Variants in ITGA1 observed in about 807,000 individuals in gnomAD.
The protein encoded by ITGA1 is integrin subunit alpha 1, also known as integrin alpha-1.
A neutral mutation model predicts 145.9 loss-of-function variants in ITGA1; 85 were observed. The ratio of observed to expected loss-of-function variants is 0.58; its 90% CI spans 0.49 to 0.70. The LOEUF is 0.70. ITGA1 is among the 30% of genes least tolerant of loss of function. ITGA1 has a pLI of 0.00. For synonymous variants in ITGA1, 520 were observed against 495.3 expected, an observed-to-expected ratio of 1.05 and a Z score of -0.66; for missense variants, 1,351 against 1,418.7, an observed-to-expected ratio of 0.95 and a Z score of 0.77.
At chr5:52,801,821 C>A in intron 1 of ITGA1, 2 of 1,608,064 alleles carry the variant, frequency 1.2e-6, no homozygotes, top group East Asian at 2.2e-5. Context: ...GAGGGTGATT[C>A]CAGTTCTGAA....
chr5:52,822,393 C>T (rs1421981335), intron 1 of ITGA1, among the ~76,000 whole-genome samples: 2 of 152,186 alleles, frequency 1.3e-5, no homozygotes, highest in African/African-American at 4.8e-5. Context: ...AAACTCAGTC[C>T]TCATCCAACC....
rs762710293 is a variant in ITGA1, at chr5:52,864,833, C to T, written c.366C>T (p.Asn122=). Residue 122 remains asparagine (N), a synonymous_variant, in exon 4 of 29, where the codon AAC becomes AAT. Coordinates refer to ENST00000282588, the MANE Select transcript of ITGA1 (RefSeq NM_181501.2). ...NMTFGSTLVT[N]PNGGFLACGP... is the part of the protein sequence containing the mutation. ...CATTTGGATCAACTTTAGTCACCAA[C>T]CCAAATGGAGGATTTCTGGTAAGAA... 3 of 1,609,626 alleles carry T rather than the reference C, an allele frequency of 1.9e-6. No homozygotes were observed. Among genetic ancestry groups the T allele is most frequent in the South Asian group, 1.1e-5 (1 of 90,858 alleles).
At chr5:52,915,720 A>G (rs1392948310) in intron 15 of ITGA1, 126 bp downstream of exon 15, 19 of 1,180,532 alleles carry the variant, frequency 1.6e-5, no homozygotes, top group Non-Finnish European at 2.3e-5. Flanking sequence ...AATACAAGTT[A>G]TTCAGTTGAG....
At chr5:52,829,718 T>C (rs752049645) in intron 1 of ITGA1, among the ~76,000 whole-genome samples, 21 of 152,194 alleles carry the variant, frequency 1.4e-4, no homozygotes, top group Non-Finnish European at 2.8e-4. Context: ...ATTTTTAGTA[T>C]TGCCAAATAC....
chr5:52,883,355 A>G (rs1286899748), intron 7 of ITGA1, among the ~76,000 whole-genome samples: 3 of 152,228 alleles, frequency 2.0e-5, no homozygotes, highest in Non-Finnish European at 4.4e-5. Context: ...TTGCTTCTGC[A>G]TAAATACGGC....
intron 11 of ITGA1, chr5:52,904,677 AC>A (rs1399134561): frequency 6.6e-6 from 1 of 151,966 alleles, no homozygotes; most frequent in Admixed American, 6.6e-5. Context: ...ACACGGTGAA[AC>A]CCCGTCTTAC....
chr5:52,891,252 T>A (rs1750142665), intron 8 of ITGA1, among the ~76,000 whole-genome samples: 1 of 123,620 alleles, frequency 8.1e-6, no homozygotes, highest in Non-Finnish European at 1.8e-5. Context: ...CCCAGCAATG[T>A]TTTTTTTTTC....
At position 52,865,042 on chromosome 5, in the gene ITGA1, C is replaced by T; in HGVS notation, c.456C>T (p.Ser152=). 6.2e-7 allele frequency: 1 copy of T among 1,613,676 alleles called. No individual in the cohort carries two copies. Among genetic ancestry groups the T allele is most frequent in the Non-Finnish European group, 8.5e-7 (1 of 1,179,732 alleles). The stretch of plus-strand genomic sequence containing the variant: ...CAACTGGAATCTGTTCTGACGTCAG[C>T]CCCACATTTCAAGTCGTGAATTCCA... ...HYTTGICSDV[S]PTFQVVNSIA... Residue 152 remains serine (S), a synonymous_variant, in exon 5 of 29, where the codon AGC becomes AGT. Transcript: ENST00000282588.
intron 6 of ITGA1, among the ~76,000 whole-genome samples, chr5:52,871,637 G>GGAA (rs1749777708): frequency 6.6e-6 from 1 of 151,008 alleles, no homozygotes; most frequent in Admixed American, 6.6e-5. Context: ...AAAGGAAAGG[G>GGAA]GGAAGGAAGG....
intron 23 of ITGA1, among the ~76,000 whole-genome samples, chr5:52,934,478 A>G (rs1750937085): frequency 6.6e-6 from 1 of 151,882 alleles, no homozygotes; most frequent in South Asian, 2.1e-4. Flanking sequence ...TATGTATCAC[A>G]TTCTCCTTAT....
At chr5:52,887,695 G>A in intron 7 of ITGA1, 120 bp from the exon 8 acceptor site, 1 of 847,570 alleles carries the variant, frequency 1.2e-6, no homozygotes, top group Non-Finnish European at 1.8e-6. Context: ...GGGCATTGAT[G>A]CTAATTTTGG....
chr5:52,836,485 T>C (rs558936657), intron 1 of ITGA1, among the ~76,000 whole-genome samples: 3 of 152,262 alleles, frequency 2.0e-5, no homozygotes, highest in African/African-American at 7.2e-5. Flanking sequence ...CTTTTTTTGG[T>C]CCCGCCTTGG....
At chr5:52,838,398 G>A (rs1749197207) in intron 1 of ITGA1, among the ~76,000 whole-genome samples, 1 of 152,072 alleles carries the variant, frequency 6.6e-6, no homozygotes, top group South Asian at 2.1e-4. Context: ...TAGGTTTTTG[G>A]TTTTGGTTGA....
intron 2 of ITGA1, among the ~76,000 whole-genome samples, chr5:52,855,776 C>T (rs572847845): frequency 2.0e-4 from 31 of 152,164 alleles, no homozygotes; most frequent in African/African-American, 7.5e-4. Flanking sequence ...AGTGAGGCTT[C>T]CTTAGGATTC....
At chr5:52,943,163 A>G (rs1751079376) in intron 26 of ITGA1, among the ~76,000 whole-genome samples, 2 of 152,102 alleles carry the variant, frequency 1.3e-5, no homozygotes, top group African/African-American at 4.8e-5. Context: ...TCCCCAGGGG[A>G]ATGGTTCCAG....
rs756691477 is a variant in ITGA1, at chr5:52,864,964, T to C, written c.385-7T>C. ...ATGATTTCTAATTTTAAAACAATTT[T>C]TTAAAGGCTTGTGGGCCCTTATATG... is the stretch of plus-strand genomic sequence containing the variant. On this transcript the variant is annotated splice_region_variant and splice_polypyrimidine_tract_variant and intron_variant, in intron 4 of 28. Transcript: ENST00000282588. 6.2e-7 allele frequency: 1 copy of C among 1,601,542 alleles called. No homozygotes were observed. Among genetic ancestry groups the C allele is most frequent in the East Asian group, 2.2e-5 (1 of 44,812 alleles).
Position 52,898,282 on chromosome 5 carries a change from G to C in ITGA1, c.1208G>C (p.Gly403Ala). 1.2e-6 allele frequency: 2 copies of C among 1,611,548 alleles called. No individual in the cohort carries two copies. The highest frequency in any genetic ancestry group is 1.7e-6 in the Non-Finnish European group (2 of 1,178,566). Residue 403 changes from glycine (G) to alanine (A), a missense_variant, in exon 11 of 29, where the codon GGA becomes GCA. Physicochemically the swap from Gly to Ala is moderately conservative, Grantham distance 60 (BLOSUM62 0). Transcript: ENST00000282588. ...LGAVGAYDWN[G>A]TVVMQKASQI... ...GCAGTAGGAGCCTATGATTGGAATG[G>C]AACAGTTGTCATGCAGAAGGCTAGT...
rs1050103581 is a variant in ITGA1, at chr5:52,956,879, A to T, written c.*4428A>T. 3.9e-5 allele frequency: 6 copies of T among 152,234 alleles called. No homozygotes were observed. The highest frequency in any genetic ancestry group is 1.4e-4 in the African/African-American group (6 of 41,468). The allele number at this position is 152,234 out of a possible 1,614,324, so 9.4% of individuals were successfully genotyped here. ...CAGGTGAGTCCTCTGGCTGCCAATC[A>T]GACTGCTGATTCTAAACCATTCTCA... On this transcript the variant is annotated 3_prime_UTR_variant, in exon 29 of 29. Coordinates refer to ENST00000282588, the MANE Select transcript of ITGA1 (RefSeq NM_181501.2).
At chr5:52,800,350 C>A in intron 1 of ITGA1, 4 of 1,609,482 alleles carry the variant, frequency 2.5e-6, no homozygotes, top group Non-Finnish European at 3.4e-6. Flanking sequence ...GAGGTGAGGA[C>A]CTCCTTGGTT....
Sources: gnomAD v4.1 joint callset for allele counts (sites outside exome capture counted in the v4.1 genomes callset) on GRCh38, gnomAD v4.1.1 for gene constraint, MANE v1.5 for transcripts, NCBI Gene and HGNC (gene_info 2026-07-23, HGNC 2026-07-21) for gene names.